Variants in FHIT observed in about 807,000 individuals in gnomAD.
The protein encoded by FHIT is bis(5'-adenosyl)-triphosphatase.
FHIT carries 19 observed loss-of-function variants against 17.9 expected under a neutral mutation model. The ratio of observed to expected loss-of-function variants is 1.06; its 90% CI spans 0.74 to 1.56. The LOEUF is 1.56. Among genes scored for constraint, FHIT ranks in the 40% most tolerant of loss-of-function variants. FHIT has a pLI of 0.00. For synonymous variants in FHIT, 81 were observed against 69.7 expected (o/e 1.16, Z -0.81); for missense variants, 248 against 189.2 (o/e 1.31, Z -1.82).
At chr3:60,710,074 TAA>T (rs782196858) in intron 4 of FHIT, among the ~76,000 whole-genome samples, 108 of 80,592 alleles carry the variant, frequency 1.3e-3, no homozygotes, top group African/African-American at 4.1e-3. Context: ...CACAGAATGC[TAA>T]AAAAAAAAAA....
chr3:60,914,783 T>C (rs1402140519), intron 3 of FHIT, among the ~76,000 whole-genome samples: 6 of 152,208 alleles, frequency 3.9e-5, no homozygotes, highest in Admixed American at 3.9e-4. Flanking sequence ...ACCTTATAAA[T>C]TTTATTATAC....
At chr3:60,859,535 C>A (rs1017494227) in intron 3 of FHIT, among the ~76,000 whole-genome samples, 28 of 151,860 alleles carry the variant, frequency 1.8e-4, no homozygotes, top group African/African-American at 6.5e-4. Flanking sequence ...GTGATGTACA[C>A]CCTTTCCTGG....
At chr3:60,877,433 C>T (rs190444844) in intron 3 of FHIT, among the ~76,000 whole-genome samples, 2 of 152,318 alleles carry the variant, frequency 1.3e-5, no homozygotes, top group East Asian at 3.9e-4. Flanking sequence ...AATACATTCC[C>T]TCCTGGGGAA....
chr3:59,767,641 G>A (rs1387176742), intron 8 of FHIT, among the ~76,000 whole-genome samples: 2 of 152,198 alleles, frequency 1.3e-5, no homozygotes, highest in Non-Finnish European at 2.9e-5. Flanking sequence ...TGTTGTTATT[G>A]TTATTTTTAA....
intron 5 of FHIT, among the ~76,000 whole-genome samples, chr3:60,043,673 C>G (rs2630159): frequency 8.1e-6 from 1 of 123,594 alleles, no homozygotes; most frequent in Non-Finnish European, 1.7e-5. Context: ...TATAGATAGA[C>G]AGATAGATAG....
chr3:59,769,634 T>A (rs983132434), intron 8 of FHIT, among the ~76,000 whole-genome samples: 4 of 152,200 alleles, frequency 2.6e-5, no homozygotes, highest in African/African-American at 7.2e-5. Context: ...TTGATAATTA[T>A]GTTTCGGATA....
chr3:60,245,020 C>T (rs868197352), intron 5 of FHIT, among the ~76,000 whole-genome samples: 15 of 151,990 alleles, frequency 9.9e-5, no homozygotes, highest in Admixed American at 2.6e-4. Flanking sequence ...TTGTGTTTAG[C>T]GGCAGCAGCT....
At chr3:60,128,557 C>A (rs1316556948) in intron 5 of FHIT, among the ~76,000 whole-genome samples, 3 of 152,294 alleles carry the variant, frequency 2.0e-5, no homozygotes, top group Admixed American at 1.3e-4. Flanking sequence ...TTACTATGCA[C>A]TGAATTCTGG....
chr3:61,135,234 A>C (rs2036880640), intron 2 of FHIT, among the ~76,000 whole-genome samples: 1 of 152,226 alleles, frequency 6.6e-6, no homozygotes, highest in Admixed American at 6.5e-5. Context: ...AAGTTTTCTA[A>C]GGTCTAAGCT....
intron 4 of FHIT, among the ~76,000 whole-genome samples, chr3:60,586,545 T>C (rs1002621476): frequency 5.3e-5 from 8 of 152,010 alleles, no homozygotes; most frequent in South Asian, 2.1e-4. Flanking sequence ...TGCACAAGTA[T>C]GTTCACTGCA....
intron 4 of FHIT, among the ~76,000 whole-genome samples, chr3:60,768,830 C>T (rs1164927282): frequency 1.3e-5 from 2 of 152,184 alleles, no homozygotes; most frequent in African/African-American, 4.8e-5. Context: ...CGCAAACTGC[C>T]TGATTAATAT....
intron 3 of FHIT, among the ~76,000 whole-genome samples, chr3:60,918,459 G>A (rs1559828001): frequency 6.6e-6 from 1 of 152,162 alleles, no homozygotes; most frequent in African/African-American, 2.4e-5. Flanking sequence ...GGCAAGACAT[G>A]AAATATAAAC....
intron 7 of FHIT, among the ~76,000 whole-genome samples, chr3:59,937,937 G>A (rs907334604): frequency 1.2e-4 from 19 of 152,034 alleles, no homozygotes; most frequent in Admixed American, 9.2e-4. Flanking sequence ...AGGTATTTAC[G>A]TCAAAGTCAC....
intron 8 of FHIT, among the ~76,000 whole-genome samples, chr3:59,792,668 G>T (rs937555579): frequency 2.0e-5 from 3 of 152,120 alleles, no homozygotes; most frequent in Admixed American, 1.3e-4. Flanking sequence ...TACATAGTAA[G>T]AGCTCAATGT....
At chr3:60,056,470 G>A (rs945957035) in intron 5 of FHIT, among the ~76,000 whole-genome samples, 2 of 152,166 alleles carry the variant, frequency 1.3e-5, no homozygotes, top group African/African-American at 4.8e-5. Flanking sequence ...AAACTCTTCT[G>A]CACTCCTTAT....
intron 4 of FHIT, among the ~76,000 whole-genome samples, chr3:60,707,319 G>A (rs2041399189): frequency 6.6e-6 from 1 of 152,174 alleles, no homozygotes; most frequent in African/African-American, 2.4e-5. Flanking sequence ...CAAAGCCACT[G>A]ACACAGGAGA....
chr3:59,937,235 A>C (rs981447090), intron 7 of FHIT, among the ~76,000 whole-genome samples: 4 of 152,216 alleles, frequency 2.6e-5, no homozygotes, highest in Non-Finnish European at 4.4e-5. Flanking sequence ...TAACTAAAAC[A>C]TGATGACATA....
At chr3:59,861,373 C>T (rs585448) in intron 8 of FHIT, among the ~76,000 whole-genome samples, 142,137 of 152,208 alleles carry the variant, frequency 0.93, 66,402 homozygotes, top group East Asian at 1. Context: ...GCCAAACCCA[C>T]TGGGGCCAAA....
At chr3:59,772,970 G>A (rs990296405) in intron 8 of FHIT, among the ~76,000 whole-genome samples, 2 of 152,200 alleles carry the variant, frequency 1.3e-5, no homozygotes, top group African/African-American at 4.8e-5. Context: ...TTTCCGGCTT[G>A]TGGCTTACCT....
Sources: gnomAD v4.1 joint callset for allele counts (sites outside exome capture counted in the v4.1 genomes callset) on GRCh38, gnomAD v4.1.1 for gene constraint, MANE v1.5 for transcripts, NCBI Gene and HGNC (gene_info 2026-07-23, HGNC 2026-07-21) for gene names.